DNAH2: variants seen among roughly 807,000 people sequenced by gnomAD.
DNAH2 encodes dynein axonemal heavy chain 2.
Under a neutral mutation model 523.5 loss-of-function variants are expected in DNAH2, and 323 were observed. That is an observed-to-expected ratio of 0.62 (90% CI 0.56 to 0.68). The LOEUF (loss-of-function observed/expected upper bound fraction) is 0.68, where lower values mean the gene tolerates loss of function less well. Ranked by LOEUF, DNAH2 falls within the 30% of genes least tolerant of loss-of-function variation. The pLI is 0.00. For synonymous variants in DNAH2, 2,093 were observed against 2,177.4 expected (o/e 0.96, Z 1.08); for missense variants, 4,907 against 5,701.5 (o/e 0.86, Z 4.49).
intron 3 of DNAH2, among the ~76,000 whole-genome samples, chr17:7,724,477 G>C (rs542166989): frequency 2.0e-5 from 3 of 151,940 alleles, no homozygotes; most frequent in African/African-American, 7.3e-5. Context: ...AAATTAGCAG[G>C]GTGTGGTGGC....
chr17:7,805,485 G>A, intron 61 of DNAH2, 92 bp downstream of exon 61: 1 of 1,565,704 alleles, frequency 6.4e-7, no homozygotes. Context: ...GATAGGGATG[G>A]ATGAGGCATT....
chr17:7,797,565 A>G (rs770008201), intron 52 of DNAH2, 35 bp downstream of exon 52: 2 of 1,613,972 alleles, frequency 1.2e-6, no homozygotes, highest in East Asian at 2.2e-5. Context: ...TGGGCTTGAC[A>G]CTCTTAGAAC....
Position 7,794,290 on chromosome 17 carries a change from G to A in DNAH2, c.7606G>A (p.Gly2536Ser). The change falls in exon 49 of 86, where the codon GGT (glycine) becomes AGT (serine). Residue 2536 changes from glycine to serine, a missense_variant. Around this residue, in one of 3 missense-constraint regions of DNAH2, gnomAD observed 250 missense variants for 371.3 expected, o/e 0.67. Coordinates refer to ENST00000572933, the MANE Select transcript of DNAH2 (RefSeq NM_020877.5). Reference protein sequence around the residue: ...FLMAAMGPPGGGRTVISPRLR... With the variant: ...FLMAAMGPPGSGRTVISPRLR... ...GATGGCTGCCATGGGCCCCCCTGGGGGTGGACGGACTGTCATCTCCCCAAG... is the reference window on the plus strand; with the variant it reads ...GATGGCTGCCATGGGCCCCCCTGGGAGTGGACGGACTGTCATCTCCCCAAG... The A allele has an allele frequency of 6.2e-7, 1 of 1,609,948 alleles. No homozygotes were observed. The highest frequency in any genetic ancestry group is 8.5e-7 in the Non-Finnish European group (1 of 1,178,216).
chr17:7,768,654 A>G (rs1004159707), intron 24 of DNAH2, among the ~76,000 whole-genome samples: 3 of 152,064 alleles, frequency 2.0e-5, no homozygotes, highest in Admixed American at 6.6e-5. Flanking sequence ...CCTCTTGTCT[A>G]ACTGAAATTT....
rs753195970 is a variant in DNAH2, at chr17:7,817,331, C to T, written c.9936C>T (p.Leu3312=). ...TGGGCTACCTGGTGGGGGACTGTCT[C>T]CTGGCAGCTGCCTTCCTGTCCTACA... ...EDLGYLVGDC[L]LAAAFLSYMG... The change falls in exon 65 of 86, where the codon CTC becomes CTT. Residue 3312 remains leucine, a synonymous_variant. Coordinates refer to ENST00000572933, the MANE Select transcript of DNAH2 (RefSeq NM_020877.5). The T allele has an allele frequency of 1.9e-6, 3 of 1,608,344 alleles. No individual in the cohort carries two copies. The highest frequency in any genetic ancestry group is 3.5e-5 in the Admixed American group (2 of 57,968).
intron 12 of DNAH2, among the ~76,000 whole-genome samples, chr17:7,744,318 A>G (rs1226471597): frequency 1.3e-5 from 2 of 149,746 alleles, no homozygotes; most frequent in African/African-American, 2.5e-5. Context: ...AAAAAAAAAA[A>G]TGCTTGTGGG....
chr17:7,792,664 T>A lies in DNAH2; in HGVS notation c.7153T>A (p.Phe2385Ile). The change falls in exon 47 of 86, where the codon TTC becomes ATC. Residue 2385 changes from phenylalanine (F) to isoleucine (I), a missense_variant. Physicochemically the swap from Phe to Ile is conservative, Grantham distance 21 (BLOSUM62 0). Transcript: ENST00000572933. ...KSWRYPPNAP[F>I]YKIMVPTVDT... ...GCCCCTGCTCTTCCCTAGCGCCCCC[T>A]TCTATAAGATCATGGTGCCCACCGT... The A allele has an allele frequency of 6.2e-7, 1 of 1,613,978 alleles. No homozygotes were observed. Among genetic ancestry groups the A allele is most frequent in the Non-Finnish European group, 8.5e-7 (1 of 1,179,964 alleles).
At chr17:7,763,802 A>AT (rs2076075227) in intron 18 of DNAH2, 29 bp from the exon 19 acceptor site, 1 of 1,612,912 alleles carries the variant, frequency 6.2e-7, no homozygotes, top group African/African-American at 1.3e-5. Context: ...AGAAAACAAC[A>AT]TCCTAGCTGG....
intron 24 of DNAH2, 90 bp from the exon 25 acceptor site, chr17:7,770,161 TA>T: frequency 7.0e-7 from 1 of 1,435,220 alleles, no homozygotes; most frequent in African/African-American, 1.4e-5. Context: ...CATGAATTGG[TA>T]ACTATGCAGA....
At chr17:7,741,396 C>A (rs529013378) in intron 11 of DNAH2, among the ~76,000 whole-genome samples, 5 of 146,686 alleles carry the variant, frequency 3.4e-5, no homozygotes, top group Admixed American at 6.9e-5. Context: ...CTCACACTGT[C>A]GCCCAGGCTG....
In DNAH2 at chr17:7,754,966, GA is replaced by G. The variant is rs796439698; in HGVS notation, c.1905-2110del. On this transcript the variant is annotated intron_variant, in intron 12 of 85. Transcript: ENST00000572933. The surrounding 1 kb of genome is among the most constrained non-coding windows in gnomAD (Gnocchi z 4.6). The stretch of plus-strand genomic sequence containing the variant: ...TATTGGTACAAATAAGCCTGAGGCA[GA>G]AAAAAAAAAAAAAAGAATAGGCAGC... The G allele has an allele frequency of 0.1, 28,399 of 273,062 alleles. 41 individuals are homozygous for G. Among genetic ancestry groups the G allele is most frequent in the East Asian group, 0.13 (2,061 of 16,120 alleles). The allele number at this position is 273,062 out of a possible 1,614,324, so 16.9% of individuals were successfully genotyped here.
chr17:7,810,013 C>G (rs1031336857), intron 63 of DNAH2, among the ~76,000 whole-genome samples: 8 of 149,490 alleles, frequency 5.4e-5, no homozygotes, highest in Non-Finnish European at 1.0e-4. Context: ...CCTTCCTTCC[C>G]TCCCTCCCTT....
chr17:7,805,555 G>A (rs1272765978), intron 61 of DNAH2, among the ~76,000 whole-genome samples, 162 bp downstream of exon 61: 1 of 152,192 alleles, frequency 6.6e-6, no homozygotes, highest in African/African-American at 2.4e-5. Context: ...TATCAGTTAA[G>A]GTTCTTTGGT....
intron 4 of DNAH2, among the ~76,000 whole-genome samples, chr17:7,731,132 ATTAAT>A (rs2074973326): frequency 2.8e-5 from 3 of 108,824 alleles, no homozygotes; most frequent in African/African-American, 3.7e-5. Flanking sequence ...AAATAAATAA[ATTAAT>A]TAAATTAAAT....
At chr17:7,830,926 G>A (rs1413185655) in intron 79 of DNAH2, 84 bp downstream of exon 79, 10 of 1,571,430 alleles carry the variant, frequency 6.4e-6, no homozygotes, top group Non-Finnish European at 7.8e-6. Flanking sequence ...TAATGTTTGA[G>A]GAGAGGACGT....
intron 48 of DNAH2, among the ~76,000 whole-genome samples, chr17:7,793,696 C>T (rs2076984986): frequency 6.6e-6 from 1 of 151,884 alleles, no homozygotes; most frequent in African/African-American, 2.4e-5. Flanking sequence ...AACTCCTGGG[C>T]TCAAGAGATC....
rs111904672 is a variant in DNAH2, at chr17:7,753,533, A to G, written c.1905-3558A>G. 2.3e-3 allele frequency among the ~76,000 whole-genome samples: 351 copies of G among 152,290 alleles called. 1 individual carries two copies. Among genetic ancestry groups the G allele is most frequent in the African/African-American group, 7.7e-3 (320 of 41,560 alleles). On this transcript the variant is annotated intron_variant, in intron 12 of 85. Transcript: ENST00000572933. ...CAGCGCCTAGCTGAATGATATTTAC[A>G]TGGGACACTGGAGAGAGGAGGATAC...
At chr17:7,816,879 C>A in intron 64 of DNAH2, 144 bp downstream of exon 64, 2 of 1,029,720 alleles carry the variant, frequency 1.9e-6, no homozygotes, top group South Asian at 3.4e-5. Flanking sequence ...GGGAGCTCTT[C>A]CCCTCCCCCT....
At chr17:7,763,462 G>A (rs1376954687) in intron 18 of DNAH2, among the ~76,000 whole-genome samples, 1 of 152,004 alleles carries the variant, frequency 6.6e-6, no homozygotes, top group Non-Finnish European at 1.5e-5. Context: ...TGTATTTTTA[G>A]TAGAGATAAG....
Sources: allele counts gnomAD v4.1 joint callset (sites outside exome capture counted in the v4.1 genomes callset), GRCh38; gene constraint gnomAD v4.1.1; regional missense constraint gnomAD v4.1.1; non-coding constraint Gnocchi (gnomAD v3.1); transcripts MANE v1.5; gene names NCBI Gene and HGNC (gene_info 2026-07-23, HGNC 2026-07-21).